The following CNIH3 variants were observed in gnomAD, a reference collection of about 807,000 sequenced individuals.
The protein encoded by CNIH3 is cornichon family AMPA receptor auxiliary protein 3.
A neutral mutation model predicts 24.1 loss-of-function variants in CNIH3; 14 were observed. The observed-to-expected ratio is 0.58, with a 90% CI of 0.38 to 0.91. CNIH3 has a LOEUF of 0.91. Among genes scored for constraint, CNIH3 ranks in the 40% least tolerant of loss-of-function variants. CNIH3 has a pLI of 0.00. For synonymous variants in CNIH3, 68 were observed against 73.8 expected (o/e 0.92, Z 0.40); for missense variants, 178 against 196.8 (o/e 0.90, Z 0.57).
At chr1:224,672,213 C>T (rs1572697607) in intron 1 of CNIH3, among the ~76,000 whole-genome samples, 1 of 151,680 alleles carries the variant, frequency 6.6e-6, no homozygotes, top group East Asian at 1.9e-4. Context: ...GGGGGACTTA[C>T]AGGAAGGTTT....
chr1:224,488,481 A>T (rs7552042), intron 1 of CNIH3, among the ~76,000 whole-genome samples: 3 of 138,660 alleles, frequency 2.2e-5, no homozygotes, highest in Non-Finnish European at 3.1e-5. Flanking sequence ...GGTGGGGGGG[A>T]ACAGAGTCTT....
At chr1:224,618,033 C>T (rs1222301205) in intron 1 of CNIH3, among the ~76,000 whole-genome samples, 1 of 152,190 alleles carries the variant, frequency 6.6e-6, no homozygotes, top group South Asian at 2.1e-4. Flanking sequence ...CCCGGGGCTA[C>T]GCCAGGTGGA....
intron 3 of CNIH3, among the ~76,000 whole-genome samples, chr1:224,553,716 C>T (rs570235567): frequency 6.6e-6 from 1 of 151,272 alleles, no homozygotes; most frequent in Admixed American, 6.6e-5. Context: ...GTAGTATAAA[C>T]AAGAGTGGAA....
At chr1:224,638,250 G>A (rs1001198097) in intron 1 of CNIH3, among the ~76,000 whole-genome samples, 6 of 152,326 alleles carry the variant, frequency 3.9e-5, no homozygotes, top group East Asian at 1.9e-4. Flanking sequence ...GGGGGAGGCC[G>A]GGCAGTGTCA....
intron 1 of CNIH3, among the ~76,000 whole-genome samples, chr1:224,627,414 C>CG (rs1683591793): frequency 6.6e-6 from 1 of 152,114 alleles, no homozygotes; most frequent in Non-Finnish European, 1.5e-5. Context: ...TTAGTAGAGA[C>CG]GGGGTTTCAC....
chr1:224,733,395 T>C (rs1030698638), intron 4 of CNIH3, among the ~76,000 whole-genome samples: 1 of 152,062 alleles, frequency 6.6e-6, no homozygotes, highest in Non-Finnish European at 1.5e-5. Context: ...TGACAGCAAA[T>C]AGCTTTTGAG....
chr1:224,735,079 G>A (rs763795669), intron 5 of CNIH3, among the ~76,000 whole-genome samples: 5 of 152,118 alleles, frequency 3.3e-5, no homozygotes, highest in Admixed American at 2.6e-4. Flanking sequence ...GTGGCCACAG[G>A]GGCTCAGGCT....
chr1:224,675,666 T>C (rs1686100359), intron 1 of CNIH3, among the ~76,000 whole-genome samples: 1 of 152,160 alleles, frequency 6.6e-6, no homozygotes, highest in African/African-American at 2.4e-5. Flanking sequence ...AGAAAATGAT[T>C]TGGACACACA....
chr1:224,461,745 G>T (rs1185125330), intron 1 of CNIH3, among the ~76,000 whole-genome samples: 1 of 152,174 alleles, frequency 6.6e-6, no homozygotes, highest in East Asian at 1.9e-4. Flanking sequence ...CACAATCTAA[G>T]TTTAGAATAT....
At position 224,702,281 on chromosome 1, in the gene CNIH3, G is replaced by T. The variant is rs529582166; in HGVS notation, c.198+17438G>T. Among the ~76,000 whole-genome samples, 17 of 152,186 alleles carry T rather than the reference G, an allele frequency of 1.1e-4. No individual in the cohort carries two copies. In the South Asian group the frequency reaches 3.3e-3, roughly 30 times the overall value. ...TTATTTAGCCATTTTCATATTTATA[G>T]ACCTTATGTATGTTTTCAGTTCTGT... On this transcript the variant is annotated intron_variant, in intron 3 of 5. Transcript: ENST00000272133.
intron 4 of CNIH3, chr1:224,574,341 T>A (rs1215729657): frequency 3.1e-6 from 1 of 322,396 alleles, no homozygotes; most frequent in Non-Finnish European, 5.6e-6. Flanking sequence ...GACCAGGCAT[T>A]CTTAAAGACA....
At chr1:224,563,997 C>G (rs1023768490) in intron 3 of CNIH3, among the ~76,000 whole-genome samples, 1 of 152,100 alleles carries the variant, frequency 6.6e-6, no homozygotes, top group African/African-American at 2.4e-5. Flanking sequence ...ATACATTTTT[C>G]TAATAGGTGA....
chr1:224,722,745 T>C (rs1238749592), intron 3 of CNIH3, among the ~76,000 whole-genome samples: 1 of 151,894 alleles, frequency 6.6e-6, no homozygotes, highest in Non-Finnish European at 1.5e-5. Context: ...TGAGAACCAC[T>C]GCTAAAAGAT....
In CNIH3 at chr1:224,459,955, C is replaced by T. The variant is rs368278920; in HGVS notation, n.203+25093C>T. On this transcript the variant is annotated intron_variant and non_coding_transcript_variant, in intron 1 of 5. Transcript: ENST00000471578. ...GCAGAGGTATGTGCACAGCTCACTG[C>T]AGCCTCAACTTCCTGGGCTCAAGCG... 2.7e-5 allele frequency among the ~76,000 whole-genome samples: 4 copies of T among 150,288 alleles called. No homozygotes were observed. In the East Asian group the frequency reaches 5.8e-4, roughly 22 times the overall value.
intron 3 of CNIH3, among the ~76,000 whole-genome samples, chr1:224,552,758 G>T (rs569673256): frequency 6.6e-6 from 1 of 151,110 alleles, no homozygotes; most frequent in Non-Finnish European, 1.5e-5. Context: ...TAATATCACC[G>T]GGTGTACACT....
chr1:224,508,199 C>T (rs1677995828), intron 1 of CNIH3, among the ~76,000 whole-genome samples: 1 of 152,220 alleles, frequency 6.6e-6, no homozygotes, highest in Non-Finnish European at 1.5e-5. Flanking sequence ...CTTTTCCCCA[C>T]AAAGTTTTCC....
chr1:224,456,913 C>T (rs866732372), intron 1 of CNIH3, among the ~76,000 whole-genome samples: 106 of 152,304 alleles, frequency 7.0e-4, no homozygotes, highest in South Asian at 1.2e-3. Flanking sequence ...TCGCCTGGAG[C>T]CCTCCATGGT....
At chr1:224,526,011 G>A (rs1329276306) in intron 2 of CNIH3, among the ~76,000 whole-genome samples, 3 of 152,106 alleles carry the variant, frequency 2.0e-5, no homozygotes, top group Non-Finnish European at 2.9e-5. Context: ...TGAGCTCTGC[G>A]GGGTTCTCTC....
At chr1:224,655,800 A>G (rs1685070041) in intron 1 of CNIH3, among the ~76,000 whole-genome samples, 1 of 152,232 alleles carries the variant, frequency 6.6e-6, no homozygotes, top group Non-Finnish European at 1.5e-5. Flanking sequence ...ATCTCTCTCA[A>G]CGGACTAAAA....
Sources: gnomAD v4.1 joint callset for allele counts (sites outside exome capture counted in the v4.1 genomes callset) on GRCh38, gnomAD v4.1.1 for gene constraint, MANE v1.5 for transcripts, NCBI Gene and HGNC (gene_info 2026-07-23, HGNC 2026-07-21) for gene names.